JAK2: variants seen among roughly 807,000 people sequenced by gnomAD.
JAK2 encodes the protein tyrosine-protein kinase JAK2.
Under a neutral mutation model 139.3 loss-of-function variants are expected in JAK2, and 86 were observed. The ratio of observed to expected loss-of-function variants is 0.62; its 90% CI spans 0.52 to 0.74. The LOEUF is 0.74. JAK2 is among the 30% of genes least tolerant of loss of function. JAK2 has a pLI of 0.00. For missense variants in JAK2, 1,421 were observed against 1,360.3 expected (o/e 1.04, Z -0.70); for synonymous variants, 490 against 437.7 (o/e 1.12, Z -1.49).
At chr9:5,064,860 T>C (rs368066681) in intron 8 of JAK2, 23 bp from the exon 9 acceptor site, 1 of 1,498,960 alleles carries the variant, frequency 6.7e-7, no homozygotes, top group Non-Finnish European at 8.9e-7. Context: ...AAGGTGCTAT[T>C]TCTTTTTCTT....
intron 2 of JAK2, among the ~76,000 whole-genome samples, chr9:5,021,463 C>T (rs1257896111): frequency 6.6e-6 from 1 of 152,104 alleles, no homozygotes; most frequent in African/African-American, 2.4e-5. Flanking sequence ...AATCTTTGTC[C>T]ACAGGAAGTT....
intron 14 of JAK2, among the ~76,000 whole-genome samples, chr9:5,074,729 A>C (rs1449935120): frequency 6.6e-6 from 1 of 152,174 alleles, no homozygotes; most frequent in Non-Finnish European, 1.5e-5. Context: ...AGGAAGATTC[A>C]CCCGTCTCTC....
At position 5,111,722 on chromosome 9, in the gene JAK2, G is replaced by T. The variant is rs142002527; in HGVS notation, c.3060-11282G>T. 1.4e-3 allele frequency: 612 copies of T among 433,256 alleles called. 2 individuals are homozygous for T. Among genetic ancestry groups the T allele is most frequent in the Non-Finnish European group, 1.9e-3 (411 of 218,364 alleles). 26.8% of individuals were successfully genotyped at this position (433,256 alleles called of 1,614,324 possible). A position where few individuals can be genotyped will look rare whatever the true frequency, so the allele number is the denominator to read the frequency against. On this transcript the variant is annotated intron_variant, in intron 22 of 24. Coordinates refer to ENST00000381652, the MANE Select transcript of JAK2 (RefSeq NM_004972.4). ...CACGTTTGGCGGCCTGCACCAGCAC[G>T]AGCGCGTGGGCTACCGGCTGCACGG... is the stretch of plus-strand genomic sequence containing the variant.
chr9:5,038,767 G>C (rs115585121), intron 4 of JAK2, among the ~76,000 whole-genome samples: 1,616 of 152,154 alleles, frequency 0.011, 29 homozygotes, highest in African/African-American at 0.038. Context: ...AGATTTTCAG[G>C]TTAGGAATGC....
chr9:5,063,198 C>T (rs1818309265), intron 8 of JAK2, among the ~76,000 whole-genome samples: 1 of 152,022 alleles, frequency 6.6e-6, no homozygotes, highest in Non-Finnish European at 1.5e-5. Flanking sequence ...ATCACATTTT[C>T]GTTCTTATAT....
intron 22 of JAK2, among the ~76,000 whole-genome samples, chr9:5,119,319 A>T (rs1408278903): frequency 6.6e-6 from 1 of 152,124 alleles, no homozygotes; most frequent in Non-Finnish European, 1.5e-5. Context: ...TTTATTATGA[A>T]GCTAATGAAG....
intron 5 of JAK2, among the ~76,000 whole-genome samples, chr9:5,048,596 T>C (rs904736823): frequency 3.3e-5 from 5 of 152,220 alleles, no homozygotes; most frequent in African/African-American, 1.2e-4. Context: ...TCTCCTACCC[T>C]GAATTAATTT....
At chr9:5,006,449 G>A (rs1175665626) in intron 2 of JAK2, among the ~76,000 whole-genome samples, 2 of 152,242 alleles carry the variant, frequency 1.3e-5, no homozygotes, top group East Asian at 1.9e-4. Context: ...TTAAATTACT[G>A]TATTTGTTTG....
intron 23 of JAK2, among the ~76,000 whole-genome samples, chr9:5,123,616 G>A (rs1000780166): frequency 1.3e-5 from 2 of 151,990 alleles, no homozygotes; most frequent in African/African-American, 4.8e-5. Flanking sequence ...AAACATACAG[G>A]TGGAGGTATC....
intron 3 of JAK2, among the ~76,000 whole-genome samples, chr9:5,026,293 A>G (rs2183137): frequency 0.26 from 40,053 of 151,982 alleles, 5,461 homozygotes; most frequent in South Asian, 0.32. Context: ...ATGCCTCCCA[A>G]TGTATTTTTC....
chr9:5,024,823 C>A (rs965402739), intron 3 of JAK2, among the ~76,000 whole-genome samples: 15 of 152,230 alleles, frequency 9.9e-5, no homozygotes, highest in African/African-American at 3.4e-4. Context: ...CAGTCAGTCC[C>A]CAGTCAGGGC....
chr9:5,085,761 T>G, intron 19 of JAK2: 2 of 754,596 alleles, frequency 2.7e-6, no homozygotes, highest in Non-Finnish European at 5.0e-6. Flanking sequence ...AGCTTGCACA[T>G]GTCGGGAGTT....
intron 3 of JAK2, among the ~76,000 whole-genome samples, chr9:5,023,644 G>A (rs898443682): frequency 6.6e-6 from 1 of 152,136 alleles, no homozygotes; most frequent in South Asian, 2.1e-4. Context: ...CTAGCTTCTT[G>A]CCAATCCCGG....
intron 4 of JAK2, among the ~76,000 whole-genome samples, chr9:5,035,237 A>G (rs1420432839): frequency 6.6e-6 from 1 of 152,244 alleles, no homozygotes; most frequent in Non-Finnish European, 1.5e-5. Context: ...TGAGGCAATA[A>G]TTAATAGTTT....
intron 22 of JAK2, among the ~76,000 whole-genome samples, chr9:5,106,837 G>C (rs968749776): frequency 6.6e-6 from 1 of 152,100 alleles, no homozygotes. Flanking sequence ...CTCATAGGTG[G>C]GAGTTGAACA....
chr9:5,023,923 TGTAAGATATTTTTTAGCTA>T (rs1822604414), intron 3 of JAK2, among the ~76,000 whole-genome samples: 1 of 152,054 alleles, frequency 6.6e-6, no homozygotes, highest in Non-Finnish European at 1.5e-5. Flanking sequence ...TTTTTTAGCT[TGTAAGATATTTTTTAGCTA>T]GTAAGATTTT....
chr9:5,073,561 C>T, intron 13 of JAK2, 137 bp from the exon 14 acceptor site: 1 of 685,126 alleles, frequency 1.5e-6, no homozygotes. Flanking sequence ...ATAAAGGGAC[C>T]AAAGCACATT....
At chr9:5,122,119 G>A (rs1029767046) in intron 22 of JAK2, among the ~76,000 whole-genome samples, 3 of 152,152 alleles carry the variant, frequency 2.0e-5, no homozygotes, top group African/African-American at 7.2e-5. Flanking sequence ...GGAAGGATTT[G>A]TGGAGATTAG....
intron 2 of JAK2, among the ~76,000 whole-genome samples, chr9:4,996,362 C>T (rs754530055): frequency 1.3e-5 from 2 of 152,020 alleles, no homozygotes; most frequent in Non-Finnish European, 2.9e-5. Flanking sequence ...ACAGGAGAAT[C>T]GCTTGTACCT....
Sources: allele counts gnomAD v4.1 joint callset (sites outside exome capture counted in the v4.1 genomes callset), GRCh38; gene constraint gnomAD v4.1.1; transcripts MANE v1.5; gene names NCBI Gene and HGNC (gene_info 2026-07-23, HGNC 2026-07-21).